FREM3: variants seen among roughly 807,000 people sequenced by gnomAD.
FREM3 encodes FRAS1-related extracellular matrix protein 3.
A neutral mutation model predicts 129.1 loss-of-function variants in FREM3; 105 were observed. The ratio of observed to expected loss-of-function variants is 0.81; its 90% CI spans 0.69 to 0.96. The LOEUF (loss-of-function observed/expected upper bound fraction) is 0.96, where lower values mean the gene tolerates loss of function less well. FREM3 is among the 40% of genes least tolerant of loss of function. The pLI is 0.00. For missense variants in FREM3, 2,593 were observed against 2,666.3 expected (o/e 0.97, Z 0.61); for synonymous variants, 1,014 against 1,044.9 (o/e 0.97, Z 0.57).
In FREM3 at chr4:143,667,484, C is replaced by G. The variant is rs184862586; in HGVS notation, c.5275+25629G>C. ...TCTTGCCTCAAATAATCGTTGAACT[C>G]CAACATTATATCAGTCGCTTAAAAA... On this transcript the variant is annotated intron_variant, in intron 2 of 7. Coordinates refer to ENST00000329798, the MANE Select transcript of FREM3 (RefSeq NM_001168235.2). Among the ~76,000 whole-genome samples the G allele has an allele frequency of 3.4e-3, 511 of 152,246 alleles. 12 individuals are homozygous for G. Among genetic ancestry groups the G allele is most frequent in the Middle Eastern group, 6.8e-3 (2 of 294 alleles).
intron 2 of FREM3, among the ~76,000 whole-genome samples, chr4:143,660,402 G>A (rs1262047332): frequency 1.3e-5 from 2 of 152,010 alleles, no homozygotes; most frequent in African/African-American, 2.4e-5. Flanking sequence ...GTAGATATGC[G>A]GTGTTATTTC....
chr4:143,594,687 C>G (rs1018088797), intron 6 of FREM3, among the ~76,000 whole-genome samples: 65 of 152,250 alleles, frequency 4.3e-4, no homozygotes, highest in African/African-American at 1.6e-3. Context: ...AAAAAAATGT[C>G]AGAACTCAAG....
At position 143,585,279 on chromosome 4, in the gene FREM3, A is replaced by G. The variant is rs141758103; in HGVS notation, c.6178+565T>C. Among the ~76,000 whole-genome samples the G allele has an allele frequency of 6.6e-6, 1 of 152,322 alleles. No homozygotes were observed. Among genetic ancestry groups the G allele is most frequent in the Admixed American group, 6.5e-5 (1 of 15,300 alleles). On this transcript the variant is annotated intron_variant, in intron 7 of 7. Coordinates refer to ENST00000329798, the MANE Select transcript of FREM3 (RefSeq NM_001168235.2). This position sits in a 1 kb window ranked among gnomAD's most constrained non-coding sequence, Gnocchi z 4.2. The stretch of plus-strand genomic sequence containing the variant: ...CATGGAAATGTCCTTTTCTTTTCCT[A>G]TTGGGTCCTGTTCTTTTTCTGATAA...
intron 3 of FREM3, 118 bp downstream of exon 3, chr4:143,627,496 A>T: frequency 2.2e-6 from 2 of 895,270 alleles, no homozygotes; most frequent in Non-Finnish European, 3.4e-6. Context: ...ACACTTTTTT[A>T]GAGATTTCTC....
intron 2 of FREM3, among the ~76,000 whole-genome samples, chr4:143,684,867 G>T (rs1408316189): frequency 6.6e-6 from 1 of 152,102 alleles, no homozygotes; most frequent in Non-Finnish European, 1.5e-5. Context: ...AAATGCTCTG[G>T]AAAGTCTCAG....
At chr4:143,633,662 A>G (rs531773240) in intron 2 of FREM3, among the ~76,000 whole-genome samples, 1 of 152,318 alleles carries the variant, frequency 6.6e-6, no homozygotes, top group East Asian at 1.9e-4. Flanking sequence ...ATTAATATTG[A>G]TGCAATGCAC....
chr4:143,614,935 G>A (rs535173271), intron 5 of FREM3, among the ~76,000 whole-genome samples: 2 of 152,232 alleles, frequency 1.3e-5, no homozygotes, highest in African/African-American at 2.4e-5. Flanking sequence ...TGATGGCATC[G>A]ATTGCCCCTG....
intron 2 of FREM3, among the ~76,000 whole-genome samples, chr4:143,688,212 A>C (rs1740402413): frequency 6.6e-6 from 1 of 152,168 alleles, no homozygotes; most frequent in Admixed American, 6.5e-5. Context: ...TCTTCTATAC[A>C]CCAACAGCTA....
In FREM3 at chr4:143,578,270, T is replaced by A. The variant is rs535617865; in HGVS notation, c.6179-418A>T. On this transcript the variant is annotated intron_variant, in intron 7 of 7. Coordinates refer to ENST00000329798, the MANE Select transcript of FREM3 (RefSeq NM_001168235.2). ...CATTCACTTTTGCCAGACATCTGTTTTAATCTCACAACACTCTGCTCAATT... is the reference window on the plus strand; with the variant it reads ...CATTCACTTTTGCCAGACATCTGTTATAATCTCACAACACTCTGCTCAATT... 2.6e-5 allele frequency among the ~76,000 whole-genome samples: 4 copies of A among 152,368 alleles called. No homozygotes were observed. In the East Asian group the frequency reaches 7.7e-4, roughly 29 times the overall value.
rs1740650762 is a variant in FREM3 at position 143,699,484 on chromosome 4, C to T, written c.1192G>A (p.Gly398Arg). ...AYQPPAENSHGERLFQLELEV... is the reference protein window; with the variant it reads ...AYQPPAENSHRERLFQLELEV... Reference sequence around the variant, plus strand: ...AGCTCCAGCTGAAAGAGGCGCTCCCCATGGGAGTTCTCTGCAGGGGGCTGA... The same window carrying T: ...AGCTCCAGCTGAAAGAGGCGCTCCCTATGGGAGTTCTCTGCAGGGGGCTGA... Residue 398 changes from glycine (G) to arginine (R), a missense_variant, in exon 1 of 8, where the codon GGG becomes AGG. Transcript: ENST00000329798. This position sits in a 1 kb window ranked among gnomAD's most constrained non-coding sequence, Gnocchi z 4.2. The T allele has an allele frequency of 6.5e-7, 1 of 1,537,198 alleles. No individual in the cohort carries two copies. Among genetic ancestry groups the T allele is most frequent in the Non-Finnish European group, 8.7e-7 (1 of 1,146,936 alleles).
At chr4:143,688,461 AC>A (rs1191793964) in intron 2 of FREM3, among the ~76,000 whole-genome samples, 1 of 152,154 alleles carries the variant, frequency 6.6e-6, no homozygotes, top group African/African-American at 2.4e-5. Context: ...AAAGCAATCT[AC>A]AAATTCAATG....
chr4:143,682,388 A>G (rs1398947366), intron 2 of FREM3, among the ~76,000 whole-genome samples: 11 of 152,174 alleles, frequency 7.2e-5, no homozygotes, highest in Admixed American at 2.6e-4. Context: ...CACTCCCCGC[A>G]CTGAATGGCT....
rs1175100333 is a variant in FREM3, at chr4:143,695,686, T to G, written c.4990A>C (p.Thr1664Pro). 1 of 1,537,232 alleles carries G rather than the reference T, an allele frequency of 6.5e-7. No homozygotes were observed. The highest frequency in any genetic ancestry group is 8.7e-7 in the Non-Finnish European group (1 of 1,146,900). The change falls in exon 1 of 8, where the codon ACC becomes CCC. Residue 1664 changes from threonine to proline, a missense_variant. Coordinates refer to ENST00000329798, the MANE Select transcript of FREM3 (RefSeq NM_001168235.2). ...TTCAAGGCTGGGGCACCCCTGTTGG[T>G]AGTAATCTGGGGAAGCCTATTGTCT... is the stretch of plus-strand genomic sequence containing the variant. ...SLDNRLPQIT[T>P]NRGAPALKRL...
intron 2 of FREM3, among the ~76,000 whole-genome samples, chr4:143,641,341 G>A (rs964227750): frequency 1.3e-5 from 2 of 152,082 alleles, no homozygotes; most frequent in African/African-American, 2.4e-5. Flanking sequence ...CCTTGTAGAG[G>A]CATAAAAATA....
Position 143,624,289 on chromosome 4 carries a change from C to T in FREM3, c.5472G>A (p.Trp1824Ter), listed in dbSNP as rs1349743824. The stretch of plus-strand genomic sequence containing the variant: ...TGAACTGGATCTGTTTATTGGTCTT[C>T]CATTTGAAATCTTTGTCTTTTTTTG... ...ETAKKDKDFK[W>*]KTNKQIQFNP... The change falls in exon 4 of 8, where the codon TGG (tryptophan) becomes TGA (stop). Residue 1824 changes from tryptophan (W) to a stop codon, truncating the protein, a stop_gained. Coordinates refer to ENST00000329798, the MANE Select transcript of FREM3 (RefSeq NM_001168235.2). LOFTEE classifies it high-confidence loss of function. The T allele has an allele frequency of 2.6e-6, 4 of 1,536,998 alleles. No individual in the cohort carries two copies. The highest frequency in any genetic ancestry group is 3.5e-6 in the Non-Finnish European group (4 of 1,146,772).
intron 6 of FREM3, among the ~76,000 whole-genome samples, chr4:143,591,722 T>C (rs1738366576): frequency 1.3e-5 from 2 of 152,310 alleles, no homozygotes; most frequent in South Asian, 4.1e-4. Flanking sequence ...TTCTGTTGAT[T>C]TGGGGTGGAG....
chr4:143,697,699 T>A lies in FREM3; in HGVS notation c.2977A>T (p.Lys993Ter), dbSNP rs770022413. ...MLSFIVKDSP[K>*]LGTILVNGLP... is the part of the protein sequence containing the mutation. ...CCATTTACCAGAATAGTGCCCAGTT[T>A]GGGGCTGTCCTTTACAATGAAAGAC... Residue 993 changes from lysine to a stop codon, truncating the protein, a stop_gained, in exon 1 of 8, where the codon AAA becomes TAA. Coordinates refer to ENST00000329798, the MANE Select transcript of FREM3 (RefSeq NM_001168235.2). LOFTEE classifies it high-confidence loss of function. The A allele has an allele frequency of 6.5e-7, 1 of 1,537,820 alleles. No homozygotes were observed. The highest frequency in any genetic ancestry group is 1.2e-5 in the South Asian group (1 of 84,060).
At chr4:143,637,258 C>A (rs1315399788) in intron 2 of FREM3, among the ~76,000 whole-genome samples, 5 of 151,978 alleles carry the variant, frequency 3.3e-5, no homozygotes, top group African/African-American at 4.8e-5. Context: ...ATATAATGGT[C>A]TTTTTTTCCA....
intron 2 of FREM3, among the ~76,000 whole-genome samples, chr4:143,689,477 T>G (rs1197779142): frequency 6.6e-6 from 1 of 152,106 alleles, no homozygotes; most frequent in Non-Finnish European, 1.5e-5. Context: ...GTGTGGAGAT[T>G]CCTTAAAGAG....
Sources: allele counts gnomAD v4.1 joint callset (sites outside exome capture counted in the v4.1 genomes callset), GRCh38; gene constraint gnomAD v4.1.1; non-coding constraint Gnocchi (gnomAD v3.1); transcripts MANE v1.5; gene names NCBI Gene and HGNC (gene_info 2026-07-23, HGNC 2026-07-21).